The following VOPP1 variants were observed in gnomAD, a reference collection of about 807,000 sequenced individuals.
VOPP1 encodes WW domain binding protein VOPP1.
VOPP1 carries 8 observed loss-of-function variants against 23.5 expected under a neutral mutation model. The observed-to-expected ratio is 0.34, with a 90% CI of 0.20 to 0.61. VOPP1 has a LOEUF of 0.61. VOPP1 is among the 20% of genes least tolerant of loss of function. VOPP1 has a pLI of 0.78. For synonymous variants in VOPP1, 83 were observed against 97.3 expected (o/e 0.85, Z 0.86); for missense variants, 174 against 238.1 (o/e 0.73, Z 1.77).
At chr7:55,553,706 C>T (rs1419356986) in intron 1 of VOPP1, 1 of 151,772 alleles carries the variant, frequency 6.6e-6, no homozygotes, top group African/African-American at 2.4e-5. Context: ...AGAGCTCCGT[C>T]CTCAAGACCT....
intron 1 of VOPP1, among the ~76,000 whole-genome samples, chr7:55,540,448 T>C (rs1172782618): frequency 7.1e-6 from 1 of 140,140 alleles, no homozygotes; most frequent in African/African-American, 2.7e-5. Flanking sequence ...TAAATAAAAA[T>C]AAATGAACTC....
chr7:55,476,838 C>T (rs1292900713), intron 4 of VOPP1, among the ~76,000 whole-genome samples: 1 of 152,174 alleles, frequency 6.6e-6, no homozygotes, highest in Non-Finnish European at 1.5e-5. Context: ...CCACCAATCA[C>T]TCATGGGACG....
intron 4 of VOPP1, among the ~76,000 whole-genome samples, chr7:55,448,095 T>C (rs767899995): frequency 3.0e-4 from 45 of 152,178 alleles, no homozygotes; most frequent in Non-Finnish European, 4.9e-4. Context: ...ATAATAATTC[T>C]TCTGAAGGTA....
intron 1 of VOPP1, among the ~76,000 whole-genome samples, chr7:55,544,351 G>A (rs1797271192): frequency 6.6e-6 from 1 of 152,150 alleles, no homozygotes; most frequent in Non-Finnish European, 1.5e-5. Context: ...GCACACAATG[G>A]CATGGTTTTT....
rs560184865 is a variant in VOPP1, at chr7:55,442,759, G to C, written n.418-6585C>G. On this transcript the variant is annotated intron_variant and non_coding_transcript_variant, in intron 4 of 4. Coordinates refer to the VOPP1 transcript ENST00000462326. Reference sequence around the variant, plus strand: ...CATGCTGGAAAATACCATGAGGATGGATGCAAGAGGCTAGGCCCAGAGAGT... The same window carrying C: ...CATGCTGGAAAATACCATGAGGATGCATGCAAGAGGCTAGGCCCAGAGAGT... Among the ~76,000 whole-genome samples, 29 of 152,256 alleles carry C rather than the reference G, an allele frequency of 1.9e-4. 1 individual carries two copies. The South Asian group carries it at 4.6e-3, about 24-fold the overall frequency.
intron 4 of VOPP1, among the ~76,000 whole-genome samples, chr7:55,482,533 G>A (rs529505913): frequency 5.5e-5 from 8 of 144,996 alleles, no homozygotes; most frequent in South Asian, 4.3e-4. Flanking sequence ...GGGATTCACC[G>A]TGTTAGTCAG....
intron 4 of VOPP1, among the ~76,000 whole-genome samples, chr7:55,474,055 G>A (rs1366390552): frequency 6.6e-6 from 1 of 152,262 alleles, no homozygotes; most frequent in Non-Finnish European, 1.5e-5. Context: ...AGGAGAGCAT[G>A]TAGAACAGAA....
rs1791846272 is a variant in VOPP1 at position 55,471,864 on chromosome 7, C to G, written c.*991G>C. 6.6e-6 allele frequency: 1 copy of G among 151,958 alleles called. No homozygotes were observed. 9.4% of individuals were successfully genotyped at this position (151,958 alleles called of 1,614,324 possible). A position where few individuals can be genotyped will look rare whatever the true frequency, so the allele number is the denominator to read the frequency against. ...GAGAGACGCCTCAGCTGGTCTCTCT[C>G]CCTGGAAGAGTCCATGTGACTTCCC... On this transcript the variant is annotated 3_prime_UTR_variant, in exon 5 of 5. Transcript: ENST00000285279.
At chr7:55,534,748 C>G (rs1193686848) in intron 1 of VOPP1, among the ~76,000 whole-genome samples, 1 of 152,206 alleles carries the variant, frequency 6.6e-6, no homozygotes, top group African/African-American at 2.4e-5. Flanking sequence ...GCCAGGTGCC[C>G]AGAAGAACCT....
At chr7:55,511,928 C>A (rs2129035344) in intron 2 of VOPP1, among the ~76,000 whole-genome samples, 1 of 152,276 alleles carries the variant, frequency 6.6e-6, no homozygotes, top group Non-Finnish European at 1.5e-5. Flanking sequence ...TAACTGACAC[C>A]CGTCTCAGAT....
chr7:55,520,803 T>A lies in VOPP1; in HGVS notation c.113+269A>T, dbSNP rs563326327. On this transcript the variant is annotated intron_variant, in intron 2 of 4. Coordinates refer to ENST00000285279, the MANE Select transcript of VOPP1 (RefSeq NM_030796.5). ...ACATAACTTTTGCCTTCCACAGACA[T>A]CTCGCCCCCTTTAAACCCTCACATG... Among the ~76,000 whole-genome samples, 10 of 152,320 alleles carry A rather than the reference T, an allele frequency of 6.6e-5. No individual in the cohort carries two copies. The South Asian group carries it at 1.0e-3, about 16-fold the overall frequency.
chr7:55,450,196 C>T (rs964795590), intron 4 of VOPP1, among the ~76,000 whole-genome samples: 6 of 152,200 alleles, frequency 3.9e-5, no homozygotes, highest in African/African-American at 7.2e-5. Flanking sequence ...GGGCACATTT[C>T]GGGCAGGAGA....
chr7:55,566,237 T>C (rs1430558229), intron 1 of VOPP1, among the ~76,000 whole-genome samples: 1 of 152,224 alleles, frequency 6.6e-6, no homozygotes, highest in African/African-American at 2.4e-5. Flanking sequence ...ACTTTCACTA[T>C]GATCATGCCA....
intron 4 of VOPP1, among the ~76,000 whole-genome samples, chr7:55,446,245 G>T (rs570820821): frequency 6.6e-6 from 1 of 152,176 alleles, no homozygotes; most frequent in South Asian, 2.1e-4. Context: ...TGCCCACCTC[G>T]GCCTCCCAAA....
At chr7:55,561,432 C>G (rs779695797) in intron 1 of VOPP1, among the ~76,000 whole-genome samples, 6 of 152,146 alleles carry the variant, frequency 3.9e-5, no homozygotes, top group Non-Finnish European at 7.4e-5. Flanking sequence ...CAGACCAGGC[C>G]GGGCACGGTG....
At chr7:55,560,466 C>T (rs1224548962) in intron 1 of VOPP1, among the ~76,000 whole-genome samples, 3 of 152,084 alleles carry the variant, frequency 2.0e-5, no homozygotes, top group Admixed American at 1.3e-4. Flanking sequence ...GACACAGAAT[C>T]GCTGGCTTTG....
At chr7:55,481,195 C>T (rs1562905960) in intron 4 of VOPP1, among the ~76,000 whole-genome samples, 1 of 152,206 alleles carries the variant, frequency 6.6e-6, no homozygotes, top group Non-Finnish European at 1.5e-5. Context: ...GGTCTCAGGA[C>T]AAGTCACAGG....
intron 4 of VOPP1, among the ~76,000 whole-genome samples, chr7:55,445,264 G>GACACACACACACACACACAC (rs1791071992): frequency 1.2e-5 from 1 of 85,998 alleles, no homozygotes; most frequent in African/African-American, 3.8e-5. Flanking sequence ...CACACACACA[G>GACACACACACACACACACAC]ACATACACAC....
intron 2 of VOPP1, among the ~76,000 whole-genome samples, chr7:55,502,672 G>A (rs1040362289): frequency 2.0e-5 from 3 of 152,202 alleles, no homozygotes; most frequent in Non-Finnish European, 4.4e-5. Flanking sequence ...GATATTCACT[G>A]CAACACTGAG....
Sources: gnomAD v4.1 joint callset for allele counts (sites outside exome capture counted in the v4.1 genomes callset) on GRCh38, gnomAD v4.1.1 for gene constraint, MANE v1.5 for transcripts, NCBI Gene and HGNC (gene_info 2026-07-23, HGNC 2026-07-21) for gene names.